IMMP2L: variants seen among roughly 807,000 people sequenced by gnomAD.
IMMP2L encodes inner mitochondrial membrane peptidase subunit 2.
A neutral mutation model predicts 19.3 loss-of-function variants in IMMP2L; 18 were observed. That is an observed-to-expected ratio of 0.93 (90% confidence interval 0.64 to 1.38). The LOEUF is 1.38. IMMP2L is among the 40% of genes most tolerant of loss of function. IMMP2L has a pLI of 0.00. For missense variants in IMMP2L, 233 were observed against 218.2 expected, an observed-to-expected ratio of 1.07 and a Z score of -0.43; for synonymous variants, 76 against 73.0, an observed-to-expected ratio of 1.04 and a Z score of -0.21.
chr7:111,522,202 CGTT>C (rs1258474447), intron 1 of IMMP2L, among the ~76,000 whole-genome samples: 1 of 151,956 alleles, frequency 6.6e-6, no homozygotes, highest in African/African-American at 2.4e-5. Flanking sequence ...TTGTTGTTGT[CGTT>C]GTTGTTTTTA....
intron 1 of IMMP2L, among the ~76,000 whole-genome samples, chr7:111,553,422 T>C (rs1790908590): frequency 6.6e-6 from 1 of 152,188 alleles, no homozygotes; most frequent in African/African-American, 2.4e-5. Context: ...TCTTAACGAA[T>C]ATAATGGGAA....
intron 5 of IMMP2L, among the ~76,000 whole-genome samples, chr7:110,756,558 T>C (rs1038192253): frequency 1.3e-5 from 2 of 152,014 alleles, no homozygotes; most frequent in Non-Finnish European, 2.9e-5. Flanking sequence ...AGGAAAGAAG[T>C]AGGCCAAGCA....
At chr7:110,951,262 T>C (rs187127670) in intron 4 of IMMP2L, among the ~76,000 whole-genome samples, 3 of 151,908 alleles carry the variant, frequency 2.0e-5, no homozygotes, top group African/African-American at 7.2e-5. Context: ...AGAGGGTAGA[T>C]CTCATATAAA....
In IMMP2L at chr7:111,257,155, G is replaced by C. The variant is rs183990292; in HGVS notation, c.239+230083C>G. ...AAAAATCCAACAAAGGCTTAACTTG[G>C]TTGGTAGTGTTTCACACAGAACTCA... On this transcript the variant is annotated intron_variant, in intron 3 of 5. Coordinates refer to ENST00000405709, the MANE Select transcript of IMMP2L (RefSeq NM_032549.4). Among the ~76,000 whole-genome samples, 57 of 152,170 alleles carry C rather than the reference G, an allele frequency of 3.7e-4. 1 individual carries two copies. Among genetic ancestry groups the C allele is most frequent in the African/African-American group, 1.2e-3 (48 of 41,524 alleles).
intron 3 of IMMP2L, among the ~76,000 whole-genome samples, chr7:111,406,025 G>A (rs1322961090): frequency 3.3e-5 from 5 of 151,968 alleles, no homozygotes; most frequent in Non-Finnish European, 7.4e-5. Context: ...TAAATATAAT[G>A]TATATCCTGA....
Position 111,185,311 on chromosome 7 carries a change from T to A in IMMP2L, c.240-221746A>T, listed in dbSNP as rs184770204. 2.0e-5 allele frequency among the ~76,000 whole-genome samples: 3 copies of A among 152,314 alleles called. No homozygotes were observed. In the East Asian group the frequency reaches 5.8e-4, roughly 29 times the overall value. Reference sequence around the variant, plus strand: ...CTGCAAAAATTCCTCATGCTGTGTGTGTTAATGAGACCCTCCATGGACACC... The same window carrying A: ...CTGCAAAAATTCCTCATGCTGTGTGAGTTAATGAGACCCTCCATGGACACC... On this transcript the variant is annotated intron_variant, in intron 3 of 5. Transcript: ENST00000405709.
intron 3 of IMMP2L, among the ~76,000 whole-genome samples, chr7:111,315,874 C>T (rs1038603736): frequency 1.3e-5 from 2 of 152,026 alleles, no homozygotes; most frequent in African/African-American, 4.8e-5. Flanking sequence ...TTAAACCACA[C>T]CTGAACAACA....
intron 5 of IMMP2L, among the ~76,000 whole-genome samples, chr7:110,788,842 C>T (rs1409622753): frequency 6.6e-6 from 1 of 151,752 alleles, no homozygotes; most frequent in Non-Finnish European, 1.5e-5. Context: ...AATGGTAGTA[C>T]ATCTGTTTCC....
chr7:111,109,110 G>T (rs1322690851), intron 3 of IMMP2L, among the ~76,000 whole-genome samples: 2 of 152,166 alleles, frequency 1.3e-5, no homozygotes, highest in Non-Finnish European at 2.9e-5. Context: ...GATATTTTAA[G>T]TAAGGTGGTC....
At chr7:111,140,005 T>C (rs902035155) in intron 3 of IMMP2L, among the ~76,000 whole-genome samples, 1 of 152,122 alleles carries the variant, frequency 6.6e-6, no homozygotes, top group Admixed American at 6.6e-5. Flanking sequence ...ATTTCCTACA[T>C]ATGTTATTTT....
At chr7:111,432,232 A>T (rs1043127797) in intron 3 of IMMP2L, among the ~76,000 whole-genome samples, 2 of 151,456 alleles carry the variant, frequency 1.3e-5, no homozygotes, top group African/African-American at 2.4e-5. Flanking sequence ...GTGGGGGAAA[A>T]AAAACCCCAC....
rs1054595254 is a variant in IMMP2L at position 111,237,443 on chromosome 7, T to C, written c.239+249795A>G. 6.6e-5 allele frequency among the ~76,000 whole-genome samples: 10 copies of C among 152,198 alleles called. 1 individual carries two copies. Among genetic ancestry groups the C allele is most frequent in the Admixed American group, 5.9e-4 (9 of 15,272 alleles). The stretch of plus-strand genomic sequence containing the variant: ...AAGTTAAATAAGAATGATTTTATAA[T>C]TTGTTTCTTTCAAAAAGTTATTTTT... On this transcript the variant is annotated intron_variant, in intron 3 of 5. Transcript: ENST00000405709.
intron 2 of IMMP2L, among the ~76,000 whole-genome samples, chr7:111,518,012 G>A (rs1846015500): frequency 6.6e-6 from 1 of 151,940 alleles, no homozygotes; most frequent in Admixed American, 6.6e-5. Context: ...ATTTTCCATT[G>A]AATTTACCAA....
chr7:111,489,319 A>T (rs1374278466), intron 2 of IMMP2L, among the ~76,000 whole-genome samples: 1 of 152,018 alleles, frequency 6.6e-6, no homozygotes, highest in Admixed American at 6.5e-5. Context: ...CTGGGATTAC[A>T]GGCGTGAGCC....
intron 3 of IMMP2L, among the ~76,000 whole-genome samples, chr7:111,290,226 A>G (rs1336718655): frequency 6.6e-6 from 1 of 152,204 alleles, no homozygotes; most frequent in African/African-American, 2.4e-5. Context: ...ATTAGGTATC[A>G]TGTGCATTAA....
At chr7:111,181,811 T>C (rs1298003103) in intron 3 of IMMP2L, among the ~76,000 whole-genome samples, 1 of 151,884 alleles carries the variant, frequency 6.6e-6, no homozygotes, top group Non-Finnish European at 1.5e-5. Flanking sequence ...ATACTAAGGG[T>C]TTCTTACCAT....
intron 3 of IMMP2L, among the ~76,000 whole-genome samples, chr7:111,457,990 C>T (rs1458782532): frequency 1.3e-5 from 2 of 150,974 alleles, no homozygotes; most frequent in Non-Finnish European, 2.9e-5. Flanking sequence ...CATTGTATGA[C>T]TAAATTTCTA....
At chr7:110,746,190 C>G (rs1274520940) in intron 5 of IMMP2L, among the ~76,000 whole-genome samples, 1 of 152,128 alleles carries the variant, frequency 6.6e-6, no homozygotes, top group Non-Finnish European at 1.5e-5. Flanking sequence ...GGGATCAATG[C>G]AACAAGAAGA....
intron 3 of IMMP2L, chr7:111,099,806 A>T (rs796284757): frequency 3.3e-5 from 5 of 151,902 alleles, no homozygotes; most frequent in African/African-American, 1.2e-4. Flanking sequence ...ACATGTAAGA[A>T]ATAAAGAAGG....
Sources: allele counts gnomAD v4.1 joint callset (sites outside exome capture counted in the v4.1 genomes callset), GRCh38; gene constraint gnomAD v4.1.1; transcripts MANE v1.5; gene names NCBI Gene and HGNC (gene_info 2026-07-23, HGNC 2026-07-21).